PEX14: variants seen among roughly 807,000 people sequenced by gnomAD.
The protein encoded by PEX14 is peroxisomal membrane protein PEX14.
PEX14 carries 15 observed loss-of-function variants against 49.5 expected under a neutral mutation model. That is an observed-to-expected ratio of 0.30 (90% CI 0.20 to 0.47). PEX14 has a LOEUF of 0.47. PEX14 is among the 20% of genes least tolerant of loss of function. The probability of loss-of-function intolerance (pLI) is 1.00; values close to 1 mark genes in which losing one functional copy is unlikely to be tolerated. For missense variants in PEX14, 398 were observed against 494.8 expected, an observed-to-expected ratio of 0.80 and a Z score of 1.86; for synonymous variants, 210 against 212.7, an observed-to-expected ratio of 0.99 and a Z score of 0.11.
At chr1:10,624,302 G>A (rs951576655) in intron 6 of PEX14, 38 bp from the exon 7 acceptor site, 1 of 1,347,270 alleles carries the variant, frequency 7.4e-7, no homozygotes, top group Non-Finnish European at 1.1e-6. Context: ...GTCTGTGCCT[G>A]TGAATTTGCC....
intron 1 of PEX14, among the ~76,000 whole-genome samples, chr1:10,491,520 C>A (rs1355263682): frequency 6.6e-6 from 1 of 151,756 alleles, no homozygotes; most frequent in Non-Finnish European, 1.5e-5. Flanking sequence ...GGATGCACCA[C>A]CACACCCGGC....
In PEX14 at chr1:10,506,940, T is replaced by C. The variant is rs546690685; in HGVS notation, c.84+11619T>C. Among the ~76,000 whole-genome samples, 6 of 152,338 alleles carry C rather than the reference T, an allele frequency of 3.9e-5. No homozygotes were observed. The South Asian group carries it at 1.2e-3, about 32-fold the overall frequency. On this transcript the variant is annotated intron_variant, in intron 2 of 8. Transcript: ENST00000356607. ...TAGGTTTTCAGTTAATAGAAAATGT[T>C]TTCAGTATGTGGAGCAGGTTCCATT...
intron 2 of PEX14, among the ~76,000 whole-genome samples, chr1:10,506,775 C>T (rs1220758076): frequency 1.3e-5 from 2 of 152,186 alleles, no homozygotes; most frequent in Non-Finnish European, 2.9e-5. Context: ...GAAGTTCTTA[C>T]TTTGCTTTAG....
chr1:10,618,133 C>T (rs976713556), intron 4 of PEX14, among the ~76,000 whole-genome samples, 199 bp from the exon 5 acceptor site: 1 of 152,192 alleles, frequency 6.6e-6, no homozygotes, highest in African/African-American at 2.4e-5. Context: ...TCCCTTGTGT[C>T]CCAGTTGAGG....
At chr1:10,511,579 C>G (rs1641884394) in intron 2 of PEX14, among the ~76,000 whole-genome samples, 1 of 152,168 alleles carries the variant, frequency 6.6e-6, no homozygotes, top group South Asian at 2.1e-4. Context: ...GGAGGGACCC[C>G]TGACATCTGT....
chr1:10,599,098 A>C, intron 3 of PEX14, 140 bp from the exon 4 acceptor site: 2 of 818,414 alleles, frequency 2.4e-6, no homozygotes, highest in Non-Finnish European at 4.2e-6. Flanking sequence ...GAGGTTCCGG[A>C]GAATCTGAAA....
intron 2 of PEX14, among the ~76,000 whole-genome samples, chr1:10,510,899 A>G (rs1380839309): frequency 1.3e-5 from 2 of 152,188 alleles, no homozygotes; most frequent in East Asian, 3.8e-4. Flanking sequence ...TATGAAAGGG[A>G]ACATCAGAGG....
intron 3 of PEX14, among the ~76,000 whole-genome samples, chr1:10,537,290 A>G (rs1236296883): frequency 7.7e-6 from 1 of 129,440 alleles, no homozygotes; most frequent in Non-Finnish European, 1.5e-5. Flanking sequence ...TCCCTGCGAC[A>G]GAGTTGGTAA....
chr1:10,534,575 A>G (rs1250159368), intron 2 of PEX14, among the ~76,000 whole-genome samples: 1 of 151,806 alleles, frequency 6.6e-6, no homozygotes, highest in Non-Finnish European at 1.5e-5. Context: ...ACCTGAGGCG[A>G]TCTGGTTGAG....
intron 2 of PEX14, among the ~76,000 whole-genome samples, chr1:10,511,383 G>A (rs138911786): frequency 7.3e-4 from 111 of 152,052 alleles, no homozygotes; most frequent in African/African-American, 2.5e-3. Context: ...CTAATGGCAT[G>A]AGTAGTTGAA....
At chr1:10,503,323 A>G (rs1641720170) in intron 2 of PEX14, among the ~76,000 whole-genome samples, 1 of 149,496 alleles carries the variant, frequency 6.7e-6, no homozygotes, top group Non-Finnish European at 1.5e-5. Context: ...AAGAAAAGAA[A>G]AGAAAAAAGA....
chr1:10,546,580 A>AG (rs1639179955), intron 3 of PEX14, among the ~76,000 whole-genome samples: 2 of 140,608 alleles, frequency 1.4e-5, no homozygotes, highest in South Asian at 2.3e-4. Context: ...AAAAAAAAAA[A>AG]AAAAGGCTAG....
rs994161458 is a variant in PEX14 at position 10,571,463 on chromosome 1, G to C, written c.170-27775G>C. 7.9e-5 allele frequency among the ~76,000 whole-genome samples: 12 copies of C among 152,266 alleles called. No homozygotes were observed. In the East Asian group the frequency reaches 2.1e-3, roughly 27 times the overall value. On this transcript the variant is annotated intron_variant, in intron 3 of 8. Transcript: ENST00000356607. The stretch of plus-strand genomic sequence containing the variant: ...AAGAGTTCTAGAGATGGATGGTGGT[G>C]ATGGTTGGAACAGTGTGAATGTACT...
At chr1:10,560,866 C>A (rs1319636544) in intron 3 of PEX14, among the ~76,000 whole-genome samples, 3 of 151,704 alleles carry the variant, frequency 2.0e-5, no homozygotes, top group Admixed American at 2.0e-4. Context: ...TATAGGCGCA[C>A]ACCACCACGC....
chr1:10,487,258 T>C (rs996662882), intron 1 of PEX14, among the ~76,000 whole-genome samples: 1 of 151,772 alleles, frequency 6.6e-6, no homozygotes, highest in African/African-American at 2.4e-5. Flanking sequence ...TATAGTTTTT[T>C]TGTATGTGGA....
chr1:10,569,240 T>C (rs1482321338), intron 3 of PEX14, among the ~76,000 whole-genome samples: 1 of 152,230 alleles, frequency 6.6e-6, no homozygotes, highest in Non-Finnish European at 1.5e-5. Flanking sequence ...CCATGAAGTA[T>C]GTGATAGTTG....
At chr1:10,611,125 C>T (rs1369112358) in intron 4 of PEX14, among the ~76,000 whole-genome samples, 1 of 151,894 alleles carries the variant, frequency 6.6e-6, no homozygotes, top group Admixed American at 6.6e-5. Flanking sequence ...ATTAGCTGAG[C>T]CTGGTGGCAT....
chr1:10,541,755 G>C (rs1226932720), intron 3 of PEX14, among the ~76,000 whole-genome samples: 1 of 152,178 alleles, frequency 6.6e-6, no homozygotes, highest in Non-Finnish European at 1.5e-5. Context: ...GAACTCCACA[G>C]ATTTTTCTCG....
intron 3 of PEX14, among the ~76,000 whole-genome samples, chr1:10,560,742 G>T (rs1171585696): frequency 7.0e-6 from 1 of 143,862 alleles, no homozygotes; most frequent in Non-Finnish European, 1.5e-5. Context: ...TTTTGAGACG[G>T]AGTCTTGCTC....
Sources: gnomAD v4.1 joint callset for allele counts (sites outside exome capture counted in the v4.1 genomes callset) on GRCh38, gnomAD v4.1.1 for gene constraint, MANE v1.5 for transcripts, NCBI Gene and HGNC (gene_info 2026-07-23, HGNC 2026-07-21) for gene names.